The following CCDC191 variants were observed in gnomAD, a reference collection of about 807,000 sequenced individuals.
The protein encoded by CCDC191 is coiled-coil domain-containing protein 191.
CCDC191 carries 99 observed loss-of-function variants against 114.0 expected under a neutral mutation model. The observed-to-expected ratio is 0.87, with a 90% CI of 0.74 to 1.03. The LOEUF is 1.03. Among genes scored for constraint, CCDC191 ranks in the 50% least tolerant of loss-of-function variants. The pLI, the probability that CCDC191 is intolerant of heterozygous loss-of-function variation, is 0.00. For synonymous variants in CCDC191, 351 were observed against 376.0 expected, an observed-to-expected ratio of 0.93 and a Z score of 0.77; for missense variants, 973 against 1,087.0, an observed-to-expected ratio of 0.90 and a Z score of 1.47.
intron 16 of CCDC191, among the ~76,000 whole-genome samples, chr3:113,975,786 G>A (rs891559602): frequency 3.3e-4 from 50 of 152,142 alleles, no homozygotes; most frequent in African/African-American, 1.1e-3. Context: ...CATTATAGGA[G>A]GCCAGTGGGG....
At position 114,042,562 on chromosome 3, in the gene CCDC191, T is replaced by C. The variant is rs1041504677; in HGVS notation, c.415+141A>G. The C allele has an allele frequency of 1.0e-5, 6 of 587,894 alleles. No individual in the cohort carries two copies. In the East Asian group the frequency reaches 1.8e-4, roughly 17 times the overall value. The allele number at this position is 587,894 out of a possible 1,614,324, so 36.4% of individuals were successfully genotyped here. A position where few individuals can be genotyped will look rare whatever the true frequency, so the allele number is the denominator to read the frequency against. On this transcript the variant is annotated intron_variant, in intron 4 of 16. Transcript: ENST00000295878. ...AGCATAAGAAATTTACATTTAACCA[T>C]GATAAATTAAAACCAATAATAAAAA...
intron 16 of CCDC191, among the ~76,000 whole-genome samples, chr3:113,975,314 T>TAAG (rs1941231462): frequency 6.6e-6 from 1 of 152,228 alleles, no homozygotes; most frequent in Non-Finnish European, 1.5e-5. Flanking sequence ...AGGTCAGGCT[T>TAAG]AAGACCAATA....
At chr3:113,977,970 GCCT>G (rs1577329311) in intron 16 of CCDC191, among the ~76,000 whole-genome samples, 1 of 152,174 alleles carries the variant, frequency 6.6e-6, no homozygotes, top group Admixed American at 6.5e-5. Context: ...GAAAGGGCAG[GCCT>G]CCTCCTCCTC....
In CCDC191 at chr3:113,978,349, A is replaced by T; in HGVS notation, c.2461-18T>A. ...ATCACGTACTGGGGATGAAGACAGAAATAAAAGTGAGACAAAAAATATCAG... is the reference window on the plus strand; with the variant it reads ...ATCACGTACTGGGGATGAAGACAGATATAAAAGTGAGACAAAAAATATCAG... On this transcript the variant is annotated intron_variant, in intron 15 of 16. Transcript: ENST00000295878. The T allele has an allele frequency of 6.2e-7, 1 of 1,611,700 alleles. No homozygotes were observed. Among genetic ancestry groups the T allele is most frequent in the Non-Finnish European group, 8.5e-7 (1 of 1,178,928 alleles).
chr3:114,002,689 G>T, intron 11 of CCDC191, 151 bp from the exon 12 acceptor site: 3 of 1,270,964 alleles, frequency 2.4e-6, no homozygotes, highest in Non-Finnish European at 3.1e-6. Flanking sequence ...AAAATATATA[G>T]AGATAAACAG....
Position 113,969,471 on chromosome 3 carries a change from C to CA in CCDC191, c.2607-4113dup, listed in dbSNP as rs200324583. On this transcript the variant is annotated intron_variant, in intron 16 of 16. Coordinates refer to ENST00000295878, the MANE Select transcript of CCDC191 (RefSeq NM_020817.2). The stretch of plus-strand genomic sequence containing the variant: ...TCTCAATGTTTTCTTCTAGTAGTCT[C>CA]ATAGTTTCTGGACTTAGATTTAAAT... Among the ~76,000 whole-genome samples the CA allele has an allele frequency of 9.9e-4, 151 of 152,280 alleles. 3 individuals carry two copies. In the East Asian group the frequency reaches 0.015, roughly 15 times the overall value.
At chr3:114,036,122 C>T (rs1285544919) in intron 5 of CCDC191, among the ~76,000 whole-genome samples, 1 of 152,124 alleles carries the variant, frequency 6.6e-6, no homozygotes, top group Non-Finnish European at 1.5e-5. Flanking sequence ...AAAGAAAGTT[C>T]TCACATGCTT....
chr3:114,036,841 A>G (rs1018406326), intron 4 of CCDC191, 55 bp from the exon 5 acceptor site: 8 of 1,153,768 alleles, frequency 6.9e-6, no homozygotes, highest in Middle Eastern at 2.9e-4. Context: ...TAATTTTAGT[A>G]TTATATTCAT....
At chr3:113,967,608 C>T (rs1378672547) in intron 16 of CCDC191, among the ~76,000 whole-genome samples, 6 of 152,028 alleles carry the variant, frequency 3.9e-5, no homozygotes, top group African/African-American at 1.5e-4. Context: ...ATATCCATCA[C>T]CTTAAATATT....
rs765670138 is a variant in CCDC191, at chr3:113,965,160, C to T, written c.2806G>A (p.Glu936Lys). Residue 936 changes from glutamate to lysine, a missense_variant, in exon 17 of 17, where the codon GAA becomes AAA. Transcript: ENST00000295878. ...AAATATTACACTAATCTGGCTCATT[C>T]GTTCACCAGACTTGTCTTACTCAAG... The part of the protein sequence containing the change: ...WSLSKTSLVN[E>K] The T allele has an allele frequency of 2.0e-5, 32 of 1,593,100 alleles. No individual in the cohort carries two copies. The highest frequency in any genetic ancestry group is 2.2e-5 in the East Asian group (1 of 44,540).
intron 11 of CCDC191, chr3:114,002,938 TC>T: frequency 1.0e-6 from 1 of 983,528 alleles, no homozygotes; most frequent in Non-Finnish European, 1.2e-6. Context: ...GTAGAATCGT[TC>T]CTCAAATCCT....
At chr3:114,009,780 T>C (rs1375615634) in intron 9 of CCDC191, among the ~76,000 whole-genome samples, 2 of 152,216 alleles carry the variant, frequency 1.3e-5, no homozygotes, top group Non-Finnish European at 2.9e-5. Context: ...TGTGCAGATT[T>C]AGCTACTAGG....
intron 4 of CCDC191, among the ~76,000 whole-genome samples, chr3:114,040,943 T>C (rs2076551613): frequency 6.6e-6 from 1 of 152,106 alleles, no homozygotes; most frequent in Non-Finnish European, 1.5e-5. Flanking sequence ...CTTTTCTGTG[T>C]CTATTGAGAT....
chr3:114,018,288 T>C (rs1227951297), intron 8 of CCDC191, among the ~76,000 whole-genome samples: 1 of 152,206 alleles, frequency 6.6e-6, no homozygotes, highest in Non-Finnish European at 1.5e-5. Context: ...TCCTAATACT[T>C]GCTTCCATTA....
At chr3:113,987,905 G>C (rs1355196449) in intron 13 of CCDC191, among the ~76,000 whole-genome samples, 1 of 151,238 alleles carries the variant, frequency 6.6e-6, no homozygotes, top group African/African-American at 2.4e-5. Context: ...AGCCGGGCGT[G>C]TTGGTGGGTG....
At position 114,001,669 on chromosome 3, in the gene CCDC191, G is replaced by A. The variant is rs370146102; in HGVS notation, c.2089C>T (p.Arg697Cys). Residue 697 changes from arginine to cysteine, a missense_variant, in exon 13 of 17, where the codon CGT becomes TGT. Coordinates refer to ENST00000295878, the MANE Select transcript of CCDC191 (RefSeq NM_020817.2). Reference sequence around the variant, plus strand: ...TTTTCTTCTGCCTCCCTTTTCTGACGTTCCTCCTCTTGGGCCTTTAACTGG... The same window carrying A: ...TTTTCTTCTGCCTCCCTTTTCTGACATTCCTCCTCTTGGGCCTTTAACTGG... The part of the protein sequence containing the change: ...LAQLKAQEEE[R>C]QKREAEEKEA... 32 of 1,613,494 alleles carry A rather than the reference G, an allele frequency of 2.0e-5. No homozygotes were observed. The highest frequency in any genetic ancestry group is 2.7e-5 in the African/African-American group (2 of 74,804).
At chr3:114,018,634 T>G (rs370388898) in intron 8 of CCDC191, 44 bp downstream of exon 8, 3 of 1,475,212 alleles carry the variant, frequency 2.0e-6, no homozygotes, top group Non-Finnish European at 2.8e-6. Flanking sequence ...GAGGGAAATA[T>G]CCTAGATAAA....
intron 13 of CCDC191, among the ~76,000 whole-genome samples, chr3:113,988,626 C>CAAAA (rs887679387): frequency 2.1e-4 from 9 of 43,624 alleles, no homozygotes; most frequent in African/African-American, 4.5e-4. Flanking sequence ...GACTCCATCT[C>CAAAA]AAAAAAAAAA....
chr3:114,026,669 G>T (rs973280218), intron 7 of CCDC191, among the ~76,000 whole-genome samples: 1 of 152,104 alleles, frequency 6.6e-6, no homozygotes, highest in African/African-American at 2.4e-5. Flanking sequence ...TACAGTTTTC[G>T]TCATTCTGTC....
Sources: gnomAD v4.1 joint callset for allele counts (sites outside exome capture counted in the v4.1 genomes callset) on GRCh38, gnomAD v4.1.1 for gene constraint, MANE v1.5 for transcripts, NCBI Gene and HGNC (gene_info 2026-07-23, HGNC 2026-07-21) for gene names.